ROBO2: variants seen among roughly 807,000 people sequenced by gnomAD.
The protein encoded by ROBO2 is roundabout guidance receptor 2, also known as roundabout homolog 2.
ROBO2 carries 53 observed loss-of-function variants against 160.8 expected under a neutral mutation model. That is an observed-to-expected ratio of 0.33 (90% confidence interval 0.26 to 0.41). The LOEUF (loss-of-function observed/expected upper bound fraction) is 0.41. Ranked by LOEUF, ROBO2 falls within the 10% of genes least tolerant of loss-of-function variation. ROBO2 has a pLI of 1.00. For missense variants in ROBO2, 1,577 were observed against 1,722.4 expected (o/e 0.92, Z 1.49); for synonymous variants, 664 against 611.7 (o/e 1.09, Z -1.26).
rs540433824 is a variant in ROBO2, at chr3:76,857,318, A to G, written c.110-240696A>G. On this transcript the variant is annotated intron_variant, in intron 2 of 26. Transcript: ENST00000487694. Reference sequence around the variant, plus strand: ...TTGTGAAATAGAATCTGCATTCCCCAGTTCCTTTTTGTAATTGAAATGCTA... The same window carrying G: ...TTGTGAAATAGAATCTGCATTCCCCGGTTCCTTTTTGTAATTGAAATGCTA... Among the ~76,000 whole-genome samples, 28 of 152,278 alleles carry G rather than the reference A, an allele frequency of 1.8e-4. No individual in the cohort carries two copies. In the South Asian group the frequency reaches 5.6e-3, roughly 30 times the overall value.
intron 2 of ROBO2, among the ~76,000 whole-genome samples, chr3:77,288,599 T>C (rs2060784781): frequency 6.6e-6 from 1 of 152,182 alleles, no homozygotes; most frequent in East Asian, 1.9e-4. Flanking sequence ...TGACACTCTC[T>C]GTGAACCAAC....
intron 2 of ROBO2, among the ~76,000 whole-genome samples, chr3:76,396,677 T>A (rs914620852): frequency 1.3e-5 from 2 of 151,936 alleles, no homozygotes; most frequent in African/African-American, 4.8e-5. Context: ...TATGCACCAA[T>A]AACAGACAAA....
At chr3:76,331,946 A>G (rs2073521412) in intron 2 of ROBO2, among the ~76,000 whole-genome samples, 1 of 152,050 alleles carries the variant, frequency 6.6e-6, no homozygotes, top group African/African-American at 2.4e-5. Context: ...GACCTCCCAA[A>G]ATGCTGGGAT....
At chr3:77,340,327 T>C (rs995383178) in intron 2 of ROBO2, among the ~76,000 whole-genome samples, 1 of 152,118 alleles carries the variant, frequency 6.6e-6, no homozygotes, top group Non-Finnish European at 1.5e-5. Flanking sequence ...GAACATATCT[T>C]AATGAATTAT....
At chr3:77,082,926 GA>G (rs920102678) in intron 1 of ROBO2, among the ~76,000 whole-genome samples, 2 of 151,260 alleles carry the variant, frequency 1.3e-5, no homozygotes, top group African/African-American at 4.9e-5. Context: ...ACACCAAATG[GA>G]AAAAAAATCA....
chr3:77,008,086 C>T (rs975093940), intron 2 of ROBO2, among the ~76,000 whole-genome samples: 3 of 151,854 alleles, frequency 2.0e-5, no homozygotes, highest in Non-Finnish European at 4.4e-5. Flanking sequence ...AGCTCAAGTC[C>T]AAGTTTCTGA....
chr3:76,153,630 C>G (rs1010354984), intron 2 of ROBO2, among the ~76,000 whole-genome samples: 1 of 152,130 alleles, frequency 6.6e-6, no homozygotes, highest in Non-Finnish European at 1.5e-5. Context: ...AGAAGACGAA[C>G]CTTACAATCC....
At chr3:75,962,163 A>C (rs906856686) in intron 2 of ROBO2, among the ~76,000 whole-genome samples, 1 of 151,702 alleles carries the variant, frequency 6.6e-6, no homozygotes, top group African/African-American at 2.4e-5. Flanking sequence ...GAAGGGAGTT[A>C]ATCTTGAAAG....
At chr3:77,326,173 A>G (rs991488097) in intron 2 of ROBO2, among the ~76,000 whole-genome samples, 5 of 152,144 alleles carry the variant, frequency 3.3e-5, no homozygotes, top group Non-Finnish European at 4.4e-5. Flanking sequence ...TCCAGTCGTA[A>G]ATGGAGTTGG....
chr3:76,230,904 C>T (rs1386045658), intron 2 of ROBO2, among the ~76,000 whole-genome samples: 1 of 152,066 alleles, frequency 6.6e-6, no homozygotes, highest in Non-Finnish European at 1.5e-5. Flanking sequence ...ACTTGTATAT[C>T]AATAGAACAC....
rs1024163734 is a variant in ROBO2 at position 77,062,608 on chromosome 3, C to T, written c.61+21762C>T. On this transcript the variant is annotated intron_variant, in intron 1 of 25. Coordinates refer to ENST00000461745, the Ensembl canonical transcript of ROBO2. ...TAGCCTTTAGGTCACACTTCTGACA[C>T]CAGAGCTTATGAAAAAACAACTTAA... Among the ~76,000 whole-genome samples the T allele has an allele frequency of 2.0e-5, 3 of 152,176 alleles. No individual in the cohort carries two copies. The East Asian group carries it at 5.8e-4, about 30-fold the overall frequency.
chr3:76,521,353 A>G (rs770389688), intron 2 of ROBO2, among the ~76,000 whole-genome samples: 98 of 152,216 alleles, frequency 6.4e-4, no homozygotes, highest in South Asian at 1.0e-3. Flanking sequence ...CTGGCCCAAC[A>G]ACAATTGCTC....
Position 76,567,059 on chromosome 3 carries a change from C to T in ROBO2, c.110-530955C>T, listed in dbSNP as rs374878714. On this transcript the variant is annotated intron_variant, in intron 2 of 26. Coordinates refer to the ROBO2 transcript ENST00000487694. ...AGGAGAATATATTAAACTAATTAGT[C>T]TTAACACCAACACAGCAGGGAAAAC... 2.6e-4 allele frequency among the ~76,000 whole-genome samples: 39 copies of T among 152,260 alleles called. 1 individual carries two copies. The South Asian group carries it at 2.7e-3, about 11-fold the overall frequency.
At chr3:75,935,472 C>A (rs1947729726) in intron 1 of ROBO2, among the ~76,000 whole-genome samples, 1 of 151,902 alleles carries the variant, frequency 6.6e-6, no homozygotes, top group Admixed American at 6.6e-5. Context: ...ATGATCACAC[C>A]ACTGCACTCC....
intron 2 of ROBO2, among the ~76,000 whole-genome samples, chr3:76,597,714 GC>G (rs1207603538): frequency 6.6e-6 from 1 of 151,862 alleles, no homozygotes. Flanking sequence ...GCTTAAGCAG[GC>G]CCCAGTGTCT....
chr3:76,092,040 A>G (rs2069256903), intron 2 of ROBO2, among the ~76,000 whole-genome samples: 1 of 152,174 alleles, frequency 6.6e-6, no homozygotes, highest in South Asian at 2.1e-4. Context: ...TATAGAATGT[A>G]CAGCATCTAG....
At chr3:76,680,241 A>G (rs2092521405) in intron 2 of ROBO2, among the ~76,000 whole-genome samples, 1 of 152,086 alleles carries the variant, frequency 6.6e-6, no homozygotes, top group Non-Finnish European at 1.5e-5. Context: ...TATAAAATGT[A>G]TAAGCCTTAC....
intron 2 of ROBO2, among the ~76,000 whole-genome samples, chr3:76,265,629 G>A (rs1179920858): frequency 6.6e-6 from 1 of 152,032 alleles, no homozygotes; most frequent in East Asian, 1.9e-4. Context: ...TGTTATATTA[G>A]CTCCTGTAAG....
chr3:77,410,994 G>A (rs1040137969), intron 2 of ROBO2, among the ~76,000 whole-genome samples: 3 of 151,922 alleles, frequency 2.0e-5, no homozygotes, highest in African/African-American at 4.8e-5. Flanking sequence ...TTGCAGAGAT[G>A]AGGTCTTGCT....
Sources: allele counts gnomAD v4.1 joint callset (sites outside exome capture counted in the v4.1 genomes callset), GRCh38; gene constraint gnomAD v4.1.1; transcripts MANE v1.5; gene names NCBI Gene and HGNC (gene_info 2026-07-23, HGNC 2026-07-21).